Variants in RP1 observed in about 807,000 individuals in gnomAD.
RP1 encodes the protein RP1 axonemal microtubule associated, also known as oxygen-regulated protein 1.
RP1 carries 16 observed loss-of-function variants against 14.8 expected under a neutral mutation model. The ratio of observed to expected loss-of-function variants is 1.08; its 90% CI spans 0.73 to 1.65. The LOEUF (loss-of-function observed/expected upper bound fraction) is 1.65, where lower values mean the gene tolerates loss of function less well. Among genes scored for constraint, RP1 ranks in the 40% most tolerant of loss-of-function variants. The pLI is 0.00. For missense variants in RP1, 2,631 were observed against 2,535.0 expected (o/e 1.04, Z -0.81); for synonymous variants, 876 against 883.6 (o/e 0.99, Z 0.15).
intron 16 of RP1, among the ~76,000 whole-genome samples, chr8:54,721,394 G>A (rs1053888994): frequency 3.9e-5 from 6 of 152,202 alleles, no homozygotes; most frequent in African/African-American, 1.4e-4. Context: ...GAATACAGGA[G>A]TAGAAAAAGA....
intron 1 of RP1, among the ~76,000 whole-genome samples, chr8:54,564,403 T>C (rs1804354750): frequency 6.6e-6 from 1 of 152,108 alleles, no homozygotes; most frequent in East Asian, 1.9e-4. Flanking sequence ...GTGACCAAGC[T>C]CTGTAAAATG....
intron 1 of RP1, among the ~76,000 whole-genome samples, chr8:54,568,959 T>C (rs1804465548): frequency 1.3e-5 from 2 of 152,236 alleles, no homozygotes; most frequent in African/African-American, 4.8e-5. Flanking sequence ...ATGAGAGTAA[T>C]AAAAATCCCT....
chr8:54,847,252 A>G (rs1811945459), intron 25 of RP1, among the ~76,000 whole-genome samples: 1 of 152,224 alleles, frequency 6.6e-6, no homozygotes, highest in African/African-American at 2.4e-5. Context: ...CACATTTTTC[A>G]CAAGTGATGT....
chr8:54,758,916 C>A, intron 21 of RP1: 1 of 1,535,248 alleles, frequency 6.5e-7, no homozygotes, highest in Non-Finnish European at 8.7e-7. Context: ...CTGTCTCCTG[C>A]ACCAGATTGA....
Position 54,663,615 on chromosome 8 carries a change from A to G in RP1, c.1172-84A>G, listed in dbSNP as rs1806946029. 3.9e-6 allele frequency: 5 copies of G among 1,294,766 alleles called. No individual in the cohort carries two copies. In the African/African-American group the frequency reaches 4.6e-5, roughly 12 times the overall value. The allele number at this position is 1,294,766 out of a possible 1,614,324, so 80.2% of individuals were successfully genotyped here. A position where few individuals can be genotyped will look rare whatever the true frequency, so the allele number is the denominator to read the frequency against. ...CTGGGGATCTTGGAACTTTTCCACC[A>G]TGGATAAGAGGAGATTTCTGTATGT... On this transcript the variant is annotated intron_variant, in intron 6 of 22. Transcript: ENST00000636932.
rs530879123 is a variant in RP1 at position 54,602,724 on chromosome 8, C to T, written c.-12-18231C>T. ...TTGTTTCCTGACTTTTTAATGATTG[C>T]CATTCTAACTGGTGTGAGATGGTAT... On this transcript the variant is annotated intron_variant, in intron 1 of 22. Coordinates refer to the RP1 transcript ENST00000636932. Among the ~76,000 whole-genome samples, 39 of 152,266 alleles carry T rather than the reference C, an allele frequency of 2.6e-4. 1 individual carries two copies. In the East Asian group the frequency reaches 7.3e-3, roughly 29 times the overall value.
chr8:54,677,314 T>G (rs576443566), intron 8 of RP1, among the ~76,000 whole-genome samples: 12 of 152,042 alleles, frequency 7.9e-5, no homozygotes, highest in South Asian at 4.2e-4. Context: ...AGATGCATGC[T>G]AAGTTTGGGA....
chr8:54,611,932 A>C (rs1258918265), upstream of RP1, among the ~76,000 whole-genome samples: 1 of 80,438 alleles, frequency 1.2e-5, no homozygotes, highest in Admixed American at 1.9e-4. Context: ...CCTGCCCCCC[A>C]ACCTTTCTTT....
rs566845884 is a variant in RP1 at position 54,659,871 on chromosome 8, T to G, written c.1171+3656T>G. On this transcript the variant is annotated intron_variant, in intron 6 of 22. Coordinates refer to the RP1 transcript ENST00000636932. Reference sequence around the variant, plus strand: ...CTACAAACTTGGGGTGTCTTTCCATTTATTTGTTTCTTTATTTTAACAACG... The same window carrying G: ...CTACAAACTTGGGGTGTCTTTCCATGTATTTGTTTCTTTATTTTAACAACG... 6.9e-4 allele frequency among the ~76,000 whole-genome samples: 105 copies of G among 152,296 alleles called. 1 individual carries two copies. Among genetic ancestry groups the G allele is most frequent in the African/African-American group, 2.5e-3 (102 of 41,578 alleles).
intron 1 of RP1, among the ~76,000 whole-genome samples, chr8:54,578,635 C>T (rs530041442): frequency 9.9e-5 from 15 of 152,280 alleles, no homozygotes; most frequent in Admixed American, 3.9e-4. Context: ...TTTAAAATTT[C>T]TAATGAAGGT....
intron 5 of RP1, chr8:54,652,897 T>G (rs762830585): frequency 1.3e-5 from 19 of 1,450,270 alleles, no homozygotes; most frequent in Non-Finnish European, 1.7e-5. Context: ...TCCCATTCTT[T>G]GCAAAATCCT....
At chr8:54,808,341 A>G (rs1468004413) in intron 24 of RP1, among the ~76,000 whole-genome samples, 1 of 152,196 alleles carries the variant, frequency 6.6e-6, no homozygotes, top group Non-Finnish European at 1.5e-5. Context: ...GGGCAAATGG[A>G]AGATGGTCTT....
intron 1 of RP1, among the ~76,000 whole-genome samples, chr8:54,618,855 T>G (rs923268476): frequency 1.3e-5 from 2 of 152,154 alleles, no homozygotes; most frequent in Admixed American, 6.5e-5. Flanking sequence ...GAGATGAGAT[T>G]TCACCATGTT....
intron 1 of RP1, among the ~76,000 whole-genome samples, chr8:54,610,092 C>T (rs1805556954): frequency 6.6e-6 from 1 of 152,168 alleles, no homozygotes; most frequent in African/African-American, 2.4e-5. Context: ...AGATTTTATC[C>T]ATACTGTTCC....
intron 7 of RP1, among the ~76,000 whole-genome samples, chr8:54,664,027 C>G (rs1275274146): frequency 6.6e-6 from 1 of 152,150 alleles, no homozygotes; most frequent in Non-Finnish European, 1.5e-5. Context: ...AATAGGTAAT[C>G]TAATAATTAA....
intron 1 of RP1, among the ~76,000 whole-genome samples, chr8:54,604,726 G>T (rs1188774466): frequency 3.3e-5 from 5 of 152,096 alleles, no homozygotes; most frequent in Admixed American, 3.3e-4. Flanking sequence ...GCCTGTTATT[G>T]GTCTATTCAG....
At chr8:54,618,322 C>A (rs1026705121) in intron 1 of RP1, among the ~76,000 whole-genome samples, 1 of 152,084 alleles carries the variant, frequency 6.6e-6, no homozygotes, top group Non-Finnish European at 1.5e-5. Flanking sequence ...TCTTTATCTT[C>A]TATGTTTTCC....
chr8:54,563,044 C>A (rs1388796664), intron 1 of RP1, among the ~76,000 whole-genome samples: 1 of 152,342 alleles, frequency 6.6e-6, no homozygotes, highest in South Asian at 2.1e-4. Context: ...ACTGTAGACT[C>A]TTACTCTTAA....
At chr8:54,675,602 A>C (rs1050226202) in intron 8 of RP1, among the ~76,000 whole-genome samples, 2 of 152,214 alleles carry the variant, frequency 1.3e-5, no homozygotes, top group Non-Finnish European at 2.9e-5. Context: ...AACAAGCCAC[A>C]TTCTCTGACT....
Sources: gnomAD v4.1 joint callset for allele counts (sites outside exome capture counted in the v4.1 genomes callset) on GRCh38, gnomAD v4.1.1 for gene constraint, MANE v1.5 for transcripts, NCBI Gene and HGNC (gene_info 2026-07-23, HGNC 2026-07-21) for gene names.